Variants in LOC128125822 observed in about 807,000 individuals in gnomAD.
At chr6:63,580,804 A>G in the LOC128125822 span, 1 of 152,480 alleles carries the variant, frequency 6.6e-6, no homozygotes, top group Non-Finnish European at 1.5e-5. Flanking sequence ...GCTGTATTAA[A>G]AAAACCTCCA....
At chr6:63,578,340 C>T in the LOC128125822 span, 1 of 1,311,946 alleles carries the variant, frequency 7.6e-7, no homozygotes, top group Non-Finnish European at 9.9e-7. Context: ...TTCTGTTAAC[C>T]AGCATACTTA....
chr6:63,575,618 TCA>T, the LOC128125822 span, among the ~76,000 whole-genome samples: 2 of 152,200 alleles, frequency 1.3e-5, no homozygotes, highest in African/African-American at 4.8e-5. Flanking sequence ...GAGTTGGATT[TCA>T]GTTTTGAGTT....
chr6:63,572,855 G>A, the LOC128125822 span: 2 of 394,174 alleles, frequency 5.1e-6, no homozygotes, highest in Non-Finnish European at 9.0e-6. Context: ...TCCCGGGTGG[G>A]AGCGGGCGGG....
the LOC128125822 span, chr6:63,576,949 C>G: frequency 6.2e-7 from 1 of 1,613,976 alleles, no homozygotes; most frequent in East Asian, 2.2e-5. Context: ...TTATTACACA[C>G]AATCCAACCA....
At chr6:63,574,785 T>C in the LOC128125822 span, among the ~76,000 whole-genome samples, 1 of 152,236 alleles carries the variant, frequency 6.6e-6, no homozygotes, top group Non-Finnish European at 1.5e-5. Flanking sequence ...AATACACTTT[T>C]TATTCTACGG....
At chr6:63,577,980 CTTCA>C in the LOC128125822 span, among the ~76,000 whole-genome samples, 3 of 107,436 alleles carry the variant, frequency 2.8e-5, no homozygotes, top group African/African-American at 1.6e-4. Flanking sequence ...GTAGTTAAGA[CTTCA>C]TTCAATGTAA....
chr6:63,575,318 T>C, the LOC128125822 span, among the ~76,000 whole-genome samples: 8 of 152,234 alleles, frequency 5.3e-5, no homozygotes, highest in Non-Finnish European at 1.0e-4. Context: ...TAACCTGTTA[T>C]TAATACTTTC....
chr6:63,572,857 G>T, the LOC128125822 span: 1 of 394,102 alleles, frequency 2.5e-6, no homozygotes, highest in Non-Finnish European at 4.5e-6. Flanking sequence ...CCGGGTGGGA[G>T]CGGGCGGGTT....
At chr6:63,572,629 G>A in the LOC128125822 span, 7 of 420,514 alleles carry the variant, frequency 1.7e-5, no homozygotes, top group Non-Finnish European at 4.1e-6. Flanking sequence ...GCCGCCTCCT[G>A]CCCTGCAGCC....
At chr6:63,578,467 G>GCT in the LOC128125822 span, 2 of 1,610,118 alleles carry the variant, frequency 1.2e-6, no homozygotes. Context: ...TACCACAATA[G>GCT]TAAGAGTATG....
the LOC128125822 span, chr6:63,582,939 G>A: frequency 6.6e-6 from 1 of 152,150 alleles, no homozygotes; most frequent in Admixed American, 6.6e-5. Context: ...GCTTCAAAAT[G>A]ATGTAGTCCC....
chr6:63,580,277 A>C, the LOC128125822 span: 2 of 957,230 alleles, frequency 2.1e-6, no homozygotes, highest in Non-Finnish European at 3.2e-6. Context: ...TGAAGCTTCC[A>C]TAGGAGTATT....
At chr6:63,580,409 T>C in the LOC128125822 span, 1 of 442,566 alleles carries the variant, frequency 2.3e-6, no homozygotes, top group East Asian at 3.6e-5. Flanking sequence ...AATGTGCTTG[T>C]CATTTGTATC....
At chr6:63,572,790 T>C in the LOC128125822 span, 1 of 397,838 alleles carries the variant, frequency 2.5e-6, no homozygotes, top group Non-Finnish European at 4.4e-6. Flanking sequence ...CGCTGTCGCC[T>C]TTGTTCGGAG....
the LOC128125822 span, chr6:63,577,043 T>C: frequency 1.1e-5 from 15 of 1,355,582 alleles, no homozygotes; most frequent in Middle Eastern, 1.8e-4. Flanking sequence ...GTGGGACTTA[T>C]AGCTAACAAA....
At chr6:63,572,729 C>A in the LOC128125822 span, 1 of 398,442 alleles carries the variant, frequency 2.5e-6, no homozygotes, top group Non-Finnish European at 4.4e-6. Context: ...TGTGAGTAGC[C>A]GTCGCATCGT....
the LOC128125822 span, chr6:63,579,968 A>AAAACCAT: frequency 6.5e-6 from 6 of 923,652 alleles, no homozygotes; most frequent in Non-Finnish European, 1.0e-5. Flanking sequence ...ATAAATTGCC[A>AAAACCAT]CAAGAGAGGT....
the LOC128125822 span, chr6:63,582,405 ATTAAT>A: frequency 2.6e-4 from 40 of 152,726 alleles, no homozygotes; most frequent in African/African-American, 7.0e-4. Context: ...CTAAAAATAA[ATTAAT>A]TTACTTTATA....
the LOC128125822 span, among the ~76,000 whole-genome samples, chr6:63,579,637 G>A: frequency 6.6e-6 from 1 of 152,088 alleles, no homozygotes; most frequent in Non-Finnish European, 1.5e-5. Flanking sequence ...AAAATGCACA[G>A]GTCTCCAAAG....
Sources: allele counts gnomAD v4.1 joint callset (sites outside exome capture counted in the v4.1 genomes callset), GRCh38; gene constraint gnomAD v4.1.1; transcripts MANE v1.5.